PARM1: variants seen among roughly 807,000 people sequenced by gnomAD.
PARM1 encodes prostate androgen-regulated mucin-like protein 1.
A neutral mutation model predicts 24.6 loss-of-function variants in PARM1; 14 were observed. The observed-to-expected ratio is 0.57, with a 90% CI of 0.38 to 0.89. The LOEUF (loss-of-function observed/expected upper bound fraction) is 0.89, where lower values mean the gene tolerates loss of function less well. PARM1 is among the 40% of genes least tolerant of loss of function. The pLI is 0.00. For synonymous variants in PARM1, 179 were observed against 156.6 expected (o/e 1.14, Z -1.07); for missense variants, 362 against 380.4 (o/e 0.95, Z 0.40).
intron 1 of PARM1, among the ~76,000 whole-genome samples, chr4:75,010,542 A>C (rs1026409384): frequency 2.6e-5 from 4 of 152,354 alleles, no homozygotes; most frequent in Admixed American, 6.5e-5. Context: ...AATTAAAAAA[A>C]ATTTTTTTAA....
chr4:74,984,028 A>G (rs571399209), intron 1 of PARM1, among the ~76,000 whole-genome samples: 2 of 152,316 alleles, frequency 1.3e-5, no homozygotes, highest in South Asian at 2.1e-4. Flanking sequence ...AGTAGCTGGA[A>G]CTACAGGTGT....
chr4:74,935,097 G>T (rs1721152396), intron 1 of PARM1, among the ~76,000 whole-genome samples: 1 of 151,208 alleles, frequency 6.6e-6, no homozygotes, highest in African/African-American at 2.4e-5. Flanking sequence ...CGAGGAGACT[G>T]GTGGGCCAGG....
At chr4:75,015,036 C>G (rs973028247) in intron 2 of PARM1, among the ~76,000 whole-genome samples, 1 of 152,150 alleles carries the variant, frequency 6.6e-6, no homozygotes, top group African/African-American at 2.4e-5. Context: ...CAGGCCCTCA[C>G]CACCACTTGT....
chr4:74,961,079 CAG>C, intron 1 of PARM1, among the ~76,000 whole-genome samples: 1 of 150,174 alleles, frequency 6.7e-6, no homozygotes, highest in Admixed American at 6.6e-5. Context: ...ATGAACAAAA[CAG>C]AAAGATTAAT....
At chr4:74,958,216 G>A (rs1294860994) in intron 1 of PARM1, among the ~76,000 whole-genome samples, 1 of 152,084 alleles carries the variant, frequency 6.6e-6, no homozygotes, top group East Asian at 1.9e-4. Context: ...TTAATCCTAG[G>A]AAGATATTTT....
intron 1 of PARM1, among the ~76,000 whole-genome samples, chr4:75,009,120 C>G (rs1302257849): frequency 6.6e-6 from 1 of 152,178 alleles, no homozygotes; most frequent in Non-Finnish European, 1.5e-5. Flanking sequence ...TGCCAAAAGA[C>G]CACCGTAACA....
intron 1 of PARM1, among the ~76,000 whole-genome samples, chr4:74,980,766 A>G (rs1441631343): frequency 6.6e-6 from 1 of 152,204 alleles, no homozygotes; most frequent in African/African-American, 2.4e-5. Context: ...CTGGTACAAA[A>G]GCAGACACAT....
At chr4:75,040,865 A>G (rs1192402544) in intron 3 of PARM1, among the ~76,000 whole-genome samples, 4 of 152,134 alleles carry the variant, frequency 2.6e-5, no homozygotes, top group Non-Finnish European at 5.9e-5. Flanking sequence ...CTCTGTCTAC[A>G]CGGTATCCCT....
chr4:75,000,711 C>A (rs551821271), intron 1 of PARM1, among the ~76,000 whole-genome samples: 1 of 152,306 alleles, frequency 6.6e-6, no homozygotes, highest in South Asian at 2.1e-4. Flanking sequence ...TACAAAAGAG[C>A]CTTTAGCTTG....
intron 2 of PARM1, among the ~76,000 whole-genome samples, chr4:75,019,248 G>A (rs1723043468): frequency 6.6e-6 from 1 of 152,200 alleles, no homozygotes; most frequent in African/African-American, 2.4e-5. Flanking sequence ...AACATTGAAT[G>A]GTGCTATGAA....
chr4:75,000,779 A>G (rs916848359), intron 1 of PARM1, among the ~76,000 whole-genome samples: 1 of 152,158 alleles, frequency 6.6e-6, no homozygotes, highest in African/African-American at 2.4e-5. Flanking sequence ...CCTTAGATGG[A>G]TTATTTATTT....
chr4:75,019,136 G>A (rs1723041482), intron 2 of PARM1, among the ~76,000 whole-genome samples: 1 of 152,194 alleles, frequency 6.6e-6, no homozygotes, highest in African/African-American at 2.4e-5. Context: ...TAAAGGAAGA[G>A]AGAAAGACGT....
Position 75,047,424 on chromosome 4 carries a change from G to A in PARM1, c.*1177G>A, listed in dbSNP as rs139043373. 2 of 152,286 alleles carry A rather than the reference G, an allele frequency of 1.3e-5. No individual in the cohort carries two copies. Among genetic ancestry groups the A allele is most frequent in the Admixed American group, 1.3e-4 (2 of 15,300 alleles). 9.4% of individuals were successfully genotyped at this position (152,286 alleles called of 1,614,324 possible). ...TGCTTTAATAAATGAGCAACCCTGG[G>A]TATAGTCTTAAAATTCTGCACAATA... On this transcript the variant is annotated 3_prime_UTR_variant, in exon 4 of 4. Transcript: ENST00000307428.
At chr4:74,978,194 C>T in intron 1 of PARM1, among the ~76,000 whole-genome samples, 1 of 152,198 alleles carries the variant, frequency 6.6e-6, no homozygotes, top group Non-Finnish European at 1.5e-5. Flanking sequence ...AGAGTCAAGA[C>T]TCATCAGTGT....
chr4:74,997,187 G>C (rs1420206317), intron 1 of PARM1, among the ~76,000 whole-genome samples: 1 of 152,200 alleles, frequency 6.6e-6, no homozygotes, highest in Non-Finnish European at 1.5e-5. Context: ...CTGAGCTAGA[G>C]AGAAGGTGTA....
chr4:75,042,775 C>T (rs1007479986), intron 3 of PARM1, among the ~76,000 whole-genome samples: 1 of 152,018 alleles, frequency 6.6e-6, no homozygotes, highest in East Asian at 1.9e-4. Flanking sequence ...TCCAATTTGT[C>T]CAAACCTGGC....
intron 1 of PARM1, among the ~76,000 whole-genome samples, chr4:75,010,402 G>A (rs2109792801): frequency 6.6e-6 from 1 of 152,220 alleles, no homozygotes; most frequent in South Asian, 2.1e-4. Flanking sequence ...GTTTGAGTTT[G>A]GGAAAATGAA....
At chr4:74,968,375 A>C (rs1367990364) in intron 1 of PARM1, among the ~76,000 whole-genome samples, 1 of 152,220 alleles carries the variant, frequency 6.6e-6, no homozygotes, top group Admixed American at 6.5e-5. Flanking sequence ...CAGGTCAGGA[A>C]ATATAAAAGT....
chr4:75,041,871 G>A (rs1189810515), intron 3 of PARM1, among the ~76,000 whole-genome samples: 1 of 152,120 alleles, frequency 6.6e-6, no homozygotes, highest in African/African-American at 2.4e-5. Context: ...TTTGCTTACT[G>A]CACCATATGA....
Sources: allele counts gnomAD v4.1 joint callset (sites outside exome capture counted in the v4.1 genomes callset), GRCh38; gene constraint gnomAD v4.1.1; transcripts MANE v1.5; gene names NCBI Gene and HGNC (gene_info 2026-07-23, HGNC 2026-07-21).